The following MMAA variants were observed in gnomAD, a reference collection of about 807,000 sequenced individuals.
MMAA encodes metabolism of cobalamin associated A.
A neutral mutation model predicts 45.0 loss-of-function variants in MMAA; 41 were observed. The ratio of observed to expected loss-of-function variants is 0.91; its 90% CI spans 0.71 to 1.18. The LOEUF is 1.18. Among genes scored for constraint, MMAA ranks in the 50% most tolerant of loss-of-function variants. MMAA has a pLI of 0.00. For synonymous variants in MMAA, 154 were observed against 178.2 expected, an observed-to-expected ratio of 0.86 and a Z score of 1.08; for missense variants, 460 against 495.7, an observed-to-expected ratio of 0.93 and a Z score of 0.68.
At chr4:145,640,896 T>C (rs1490961330) in intron 2 of MMAA, among the ~76,000 whole-genome samples, 1 of 152,200 alleles carries the variant, frequency 6.6e-6, no homozygotes, top group Non-Finnish European at 1.5e-5. Flanking sequence ...CAACTTGTCT[T>C]GGTGGTTAAA....
At chr4:145,644,691 T>C (rs143471685) in intron 3 of MMAA, among the ~76,000 whole-genome samples, 221 of 152,364 alleles carry the variant, frequency 1.5e-3, no homozygotes, top group Admixed American at 1.8e-3. Context: ...GTGCCTACTC[T>C]TAACACTTTG....
chr4:145,654,762 GA>G (rs1728181856), intron 6 of MMAA, among the ~76,000 whole-genome samples: 2 of 152,152 alleles, frequency 1.3e-5, no homozygotes, highest in Admixed American at 1.3e-4. Flanking sequence ...TTGGCAGAGA[GA>G]ATTAGGCTAT....
chr4:145,622,697 T>A (rs1734113599), intron 1 of MMAA, among the ~76,000 whole-genome samples: 1 of 152,258 alleles, frequency 6.6e-6, no homozygotes. Flanking sequence ...GTAAACTATA[T>A]TTTGACAATG....
chr4:145,624,474 T>C, intron 1 of MMAA: 1 of 898,752 alleles, frequency 1.1e-6, no homozygotes, highest in Non-Finnish European at 1.8e-6. Context: ...ATTAGGCCCT[T>C]TCTTAGGACT....
chr4:145,632,544 C>T (rs1388539926), intron 1 of MMAA, among the ~76,000 whole-genome samples: 1 of 152,156 alleles, frequency 6.6e-6, no homozygotes, highest in African/African-American at 2.4e-5. Context: ...ATATCTTTCC[C>T]TATGTTTGGG....
chr4:145,623,428 T>G (rs1179057979), intron 1 of MMAA, among the ~76,000 whole-genome samples: 2 of 152,222 alleles, frequency 1.3e-5, no homozygotes, highest in East Asian at 3.8e-4. Flanking sequence ...AAAATAGTCT[T>G]GAAATAATAC....
rs1358710766 is a variant in MMAA, at chr4:145,656,233, T to G, written c.*799T>G. The G allele has an allele frequency of 1.3e-5, 2 of 152,244 alleles. No homozygotes were observed. Among genetic ancestry groups the G allele is most frequent in the African/African-American group, 4.8e-5 (2 of 41,456 alleles). The allele number at this position is 152,244 out of a possible 1,614,324, so 9.4% of individuals were successfully genotyped here. ...TCTCTTCTTCCTTGGCCATTTCACT[T>G]CATTTTAGTATTTTAAAAATCTTTT... On this transcript the variant is annotated 3_prime_UTR_variant, in exon 7 of 7. Coordinates refer to ENST00000649156, the MANE Select transcript of MMAA (RefSeq NM_172250.3).
rs549196684 is a variant in MMAA, at chr4:145,658,850, G to A, written c.*3416G>A. ...TAACTCCTGTGATCTATATGTTTGT[G>A]CAGATGGTGGAGCTTTTCTGCTCCT... On this transcript the variant is annotated 3_prime_UTR_variant, in exon 7 of 7. Coordinates refer to ENST00000649156, the MANE Select transcript of MMAA (RefSeq NM_172250.3). The A allele has an allele frequency of 6.6e-6, 1 of 152,332 alleles. No homozygotes were observed. The highest frequency in any genetic ancestry group is 2.1e-4 in the South Asian group (1 of 4,826). 9.4% of individuals were successfully genotyped at this position (152,332 alleles called of 1,614,324 possible). A position where few individuals can be genotyped will look rare whatever the true frequency, so the allele number is the denominator to read the frequency against.
intron 1 of MMAA, among the ~76,000 whole-genome samples, chr4:145,629,979 G>T (rs1472752891): frequency 6.6e-6 from 1 of 151,944 alleles, no homozygotes; most frequent in African/African-American, 2.4e-5. Context: ...TTTTTTTTTG[G>T]AATGTCTTTG....
chr4:145,620,671 T>C (rs1479474446), intron 1 of MMAA, among the ~76,000 whole-genome samples: 1 of 152,206 alleles, frequency 6.6e-6, no homozygotes, highest in African/African-American at 2.4e-5. Context: ...AGTGGGTTTA[T>C]CCAGACACAG....
chr4:145,656,245 T>C lies in MMAA; in HGVS notation c.*811T>C, dbSNP rs570614939. 3.3e-5 allele frequency: 5 copies of C among 152,344 alleles called. No homozygotes were observed. In the East Asian group the frequency reaches 9.6e-4, roughly 29 times the overall value. The allele number at this position is 152,344 out of a possible 1,614,324, so 9.4% of individuals were successfully genotyped here. A position where few individuals can be genotyped will look rare whatever the true frequency, so the allele number is the denominator to read the frequency against. The stretch of plus-strand genomic sequence containing the variant: ...TGGCCATTTCACTTCATTTTAGTAT[T>C]TTAAAAATCTTTTTTCTTGATGGTG... On this transcript the variant is annotated 3_prime_UTR_variant, in exon 7 of 7. Coordinates refer to ENST00000649156, the MANE Select transcript of MMAA (RefSeq NM_172250.3).
intron 1 of MMAA, chr4:145,624,514 A>G (rs1388109782): frequency 9.5e-7 from 1 of 1,055,534 alleles, no homozygotes; most frequent in East Asian, 2.4e-5. Context: ...CTGATAAGCC[A>G]CTCTGACAAG....
At chr4:145,654,214 C>T in intron 6 of MMAA, 71 bp downstream of exon 6, 1 of 1,532,192 alleles carries the variant, frequency 6.5e-7, no homozygotes, top group South Asian at 1.1e-5. Flanking sequence ...GATATAAGTC[C>T]CAAACTAGAC....
chr4:145,633,966 A>G (rs1192845452), intron 1 of MMAA, among the ~76,000 whole-genome samples: 4 of 152,238 alleles, frequency 2.6e-5, no homozygotes, highest in African/African-American at 9.6e-5. Context: ...AGGGTTATAC[A>G]AGCAACCCTG....
intron 6 of MMAA, 111 bp downstream of exon 6, chr4:145,654,254 T>C: frequency 3.0e-6 from 4 of 1,322,206 alleles, no homozygotes; most frequent in Non-Finnish European, 4.3e-6. Context: ...TATGTGAAGA[T>C]GATAGTTTTA....
At chr4:145,642,283 C>G (rs566419462) in intron 2 of MMAA, 80 bp from the exon 3 acceptor site, 1 of 1,466,830 alleles carries the variant, frequency 6.8e-7, no homozygotes, top group African/African-American at 1.4e-5. Context: ...AGAAGGTAGT[C>G]TAATATTTTA....
At chr4:145,642,699 C>A in intron 3 of MMAA, 1 of 589,536 alleles carries the variant, frequency 1.7e-6, no homozygotes, top group Non-Finnish European at 3.0e-6. Context: ...GCTCAGTGGG[C>A]ACTCAGAAAA....
At chr4:145,650,283 T>C (rs1728055378) in intron 4 of MMAA, 1 of 152,156 alleles carries the variant, frequency 6.6e-6, no homozygotes, top group South Asian at 2.1e-4. Context: ...TGGAAAGGAA[T>C]GAGAGATTCC....
chr4:145,624,591 C>T (rs1734159661), intron 1 of MMAA: 2 of 1,262,848 alleles, frequency 1.6e-6, no homozygotes, highest in East Asian at 4.6e-5. Flanking sequence ...TAGAAGGAAC[C>T]ATTGACTTTG....
Sources: gnomAD v4.1 joint callset for allele counts (sites outside exome capture counted in the v4.1 genomes callset) on GRCh38, gnomAD v4.1.1 for gene constraint, MANE v1.5 for transcripts, NCBI Gene and HGNC (gene_info 2026-07-23, HGNC 2026-07-21) for gene names.